Variants in DCUN1D4 observed in about 807,000 individuals in gnomAD.
DCUN1D4 encodes defective in cullin neddylation 1 domain containing 4, also known as DCN1-like protein 4.
A neutral mutation model predicts 47.9 loss-of-function variants in DCUN1D4; 22 were observed. That is an observed-to-expected ratio of 0.46 (90% CI 0.33 to 0.66). The LOEUF is 0.66. Ranked by LOEUF, DCUN1D4 falls within the 30% of genes least tolerant of loss-of-function variation. The pLI is 0.02. For synonymous variants in DCUN1D4, 121 were observed against 112.2 expected (o/e 1.08, Z -0.50); for missense variants, 301 against 340.8 (o/e 0.88, Z 0.92).
intron 1 of DCUN1D4, among the ~76,000 whole-genome samples, chr4:51,849,340 C>T (rs929049185): frequency 6.6e-6 from 1 of 152,116 alleles, no homozygotes; most frequent in Non-Finnish European, 1.5e-5. Flanking sequence ...CTGCTGTGTC[C>T]CCTTAGGCAT....
upstream of DCUN1D4, among the ~76,000 whole-genome samples, chr4:51,842,203 G>T (rs966343912): frequency 6.6e-6 from 1 of 152,142 alleles, no homozygotes; most frequent in African/African-American, 2.4e-5. Context: ...CTCTCCGCGG[G>T]AGTGACAGGT....
At chr4:51,895,713 TTACTG>T (rs1731168072) in intron 7 of DCUN1D4, among the ~76,000 whole-genome samples, 1 of 152,160 alleles carries the variant, frequency 6.6e-6, no homozygotes, top group Admixed American at 6.5e-5. Context: ...ACTTCGATGA[TTACTG>T]TGTTGATTTC....
chr4:51,912,455 T>C (rs1351648942), intron 9 of DCUN1D4, among the ~76,000 whole-genome samples: 1 of 152,232 alleles, frequency 6.6e-6, no homozygotes, highest in Non-Finnish European at 1.5e-5. Context: ...TTCCTCTCAT[T>C]TCAGCTTTTC....
In DCUN1D4 at chr4:51,913,638, T is replaced by C. The variant is rs1734028718; in HGVS notation, c.*54T>C. On this transcript the variant is annotated 3_prime_UTR_variant, in exon 11 of 11. Coordinates refer to ENST00000334635, the MANE Select transcript of DCUN1D4 (RefSeq NM_001040402.3). ...CTGTTACCACAGTTTTGTCACCCAT[T>C]AGCCATAAATTGCTGTTTGTATCAA... is the stretch of plus-strand genomic sequence containing the variant. 2 of 1,519,380 alleles carry C rather than the reference T, an allele frequency of 1.3e-6. No homozygotes were observed. The highest frequency in any genetic ancestry group is 3.4e-5 in the Admixed American group (2 of 59,010). 94.1% of individuals were successfully genotyped at this position (1,519,380 alleles called of 1,614,324 possible).
chr4:51,910,786 C>T (rs1733604765), intron 8 of DCUN1D4: 4 of 413,240 alleles, frequency 9.7e-6, no homozygotes, highest in South Asian at 8.4e-5. Context: ...CCATGAAAAG[C>T]CTGTAGAAAC....
At chr4:51,886,507 A>G in intron 5 of DCUN1D4, 61 bp from the exon 6 acceptor site, 3 of 1,447,064 alleles carry the variant, frequency 2.1e-6, no homozygotes, top group Admixed American at 3.5e-5. Flanking sequence ...TAATACTACT[A>G]CAGTGGTAAT....
upstream of DCUN1D4, chr4:51,843,141 C>A: frequency 1.3e-6 from 2 of 1,502,144 alleles, no homozygotes; most frequent in South Asian, 1.3e-5. Context: ...GAGTGCCCGG[C>A]GGCGGGTCCT....
At chr4:51,905,862 C>T (rs1732810439) in intron 8 of DCUN1D4, among the ~76,000 whole-genome samples, 7 of 152,080 alleles carry the variant, frequency 4.6e-5, no homozygotes, top group Admixed American at 4.6e-4. Context: ...GCAGTCCTAC[C>T]TTGATGCAGG....
chr4:51,877,649 A>G (rs1443656382), intron 4 of DCUN1D4, 114 bp from the exon 5 acceptor site: 1 of 673,030 alleles, frequency 1.5e-6, no homozygotes, highest in East Asian at 2.6e-5. Flanking sequence ...TTTAAAATAT[A>G]CTTAAAATAC....
chr4:51,843,484 G>T (rs1721918994), intron 1 of DCUN1D4: 2 of 1,268,436 alleles, frequency 1.6e-6, no homozygotes, highest in Non-Finnish European at 2.0e-6. Context: ...GGCCTGCGGG[G>T]AGGGCGGAGG....
At chr4:51,854,046 A>G (rs1723769339) in intron 1 of DCUN1D4, among the ~76,000 whole-genome samples, 1 of 152,238 alleles carries the variant, frequency 6.6e-6, no homozygotes, top group Non-Finnish European at 1.5e-5. Flanking sequence ...CATGAAGGAC[A>G]TGTAGTATGA....
At chr4:51,871,038 A>T (rs979642529) in intron 3 of DCUN1D4, among the ~76,000 whole-genome samples, 4 of 151,594 alleles carry the variant, frequency 2.6e-5, no homozygotes, top group African/African-American at 7.3e-5. Context: ...CTGAACTAGG[A>T]TGGCTGTTGG....
chr4:51,844,957 C>G, intron 1 of DCUN1D4: 11 of 985,434 alleles, frequency 1.1e-5, no homozygotes, highest in Non-Finnish European at 1.2e-5. Context: ...AGGGACGGAG[C>G]GACTCCCCAG....
At chr4:51,844,437 G>C (rs1722169527) in intron 1 of DCUN1D4, 1 of 981,884 alleles carries the variant, frequency 1.0e-6, no homozygotes, top group Non-Finnish European at 1.2e-6. Context: ...GGGACTAGGA[G>C]GCGGGGCAGG....
intron 1 of DCUN1D4, chr4:51,848,119 A>G: frequency 1.9e-6 from 2 of 1,060,076 alleles, no homozygotes; most frequent in Non-Finnish European, 2.5e-6. Context: ...TCTTCAAGGA[A>G]CACAAGCTTT....
chr4:51,904,348 C>T (rs1282184422), intron 8 of DCUN1D4, among the ~76,000 whole-genome samples: 1 of 152,174 alleles, frequency 6.6e-6, no homozygotes, highest in Non-Finnish European at 1.5e-5. Context: ...TCTGCTCACT[C>T]ATTTGCAATG....
At chr4:51,863,882 C>T (rs921205038) in intron 3 of DCUN1D4, among the ~76,000 whole-genome samples, 173 bp downstream of exon 3, 1 of 152,134 alleles carries the variant, frequency 6.6e-6, no homozygotes, top group Non-Finnish European at 1.5e-5. Context: ...AGCTTCTTCC[C>T]AGTAGGAAAT....
At chr4:51,905,492 A>G (rs1022509025) in intron 8 of DCUN1D4, among the ~76,000 whole-genome samples, 1 of 152,200 alleles carries the variant, frequency 6.6e-6, no homozygotes, top group Non-Finnish European at 1.5e-5. Context: ...TTTGCCCTCA[A>G]TATAAATTTT....
chr4:51,876,143 A>G (rs761168521), intron 4 of DCUN1D4, among the ~76,000 whole-genome samples: 2 of 152,176 alleles, frequency 1.3e-5, no homozygotes, highest in Non-Finnish European at 2.9e-5. Flanking sequence ...TCATGAATCA[A>G]TGTTCAATAA....
Sources: gnomAD v4.1 joint callset for allele counts (sites outside exome capture counted in the v4.1 genomes callset) on GRCh38, gnomAD v4.1.1 for gene constraint, MANE v1.5 for transcripts, NCBI Gene and HGNC (gene_info 2026-07-23, HGNC 2026-07-21) for gene names.